The following RBFOX1 variants were observed in gnomAD, a reference collection of about 807,000 sequenced individuals.
RBFOX1 encodes the protein RNA binding fox-1 homolog 1.
RBFOX1 carries 8 observed loss-of-function variants against 57.7 expected under a neutral mutation model. That is an observed-to-expected ratio of 0.14 (90% CI 0.08 to 0.25). RBFOX1 has a LOEUF of 0.25. Among genes scored for constraint, RBFOX1 ranks in the 10% least tolerant of loss-of-function variants. The pLI is 1.00. For missense variants in RBFOX1, 611 were observed against 548.5 expected (o/e 1.11, Z -1.14); for synonymous variants, 326 against 222.4 (o/e 1.47, Z -4.15).
chr16:6,745,041 C>A (rs1033125177), intron 3 of RBFOX1, among the ~76,000 whole-genome samples: 1 of 151,876 alleles, frequency 6.6e-6, no homozygotes, highest in Non-Finnish European at 1.5e-5. Context: ...AAAATAAGAT[C>A]ATATTATGAA....
chr16:6,742,256 G>A (rs761125612), intron 3 of RBFOX1, among the ~76,000 whole-genome samples: 1 of 152,096 alleles, frequency 6.6e-6, no homozygotes, highest in Non-Finnish European at 1.5e-5. Context: ...CTAGCTATTA[G>A]GGAAATGCAG....
chr16:6,259,100 C>T (rs1248827225), intron 1 of RBFOX1, among the ~76,000 whole-genome samples: 1 of 152,130 alleles, frequency 6.6e-6, no homozygotes, highest in African/African-American at 2.4e-5. Flanking sequence ...GACAGGAAAT[C>T]TAGAGCTGAA....
At chr16:6,376,862 G>A (rs577396051) in intron 2 of RBFOX1, among the ~76,000 whole-genome samples, 1 of 152,136 alleles carries the variant, frequency 6.6e-6, no homozygotes, top group East Asian at 1.9e-4. Context: ...TCTAGTAGTC[G>A]TTAGGGATCT....
rs1199376014 is a variant in RBFOX1, at chr16:7,575,908, C to A, written c.271-3869C>A. Among the ~76,000 whole-genome samples the A allele has an allele frequency of 3.9e-5, 6 of 152,036 alleles. No individual in the cohort carries two copies. In the East Asian group the frequency reaches 5.8e-4, roughly 15 times the overall value. The stretch of plus-strand genomic sequence containing the variant: ...TGCTGCATTTCATCCTTCCCACTAT[C>A]CTGTGAGCTTAGTACCATTAGTGTC... On this transcript the variant is annotated intron_variant, in intron 5 of 15. Transcript: ENST00000550418.
At chr16:6,831,277 A>G (rs893649601) in intron 3 of RBFOX1, among the ~76,000 whole-genome samples, 1 of 152,204 alleles carries the variant, frequency 6.6e-6, no homozygotes, top group Non-Finnish European at 1.5e-5. Flanking sequence ...CCCAGGTCTT[A>G]TAGTCCAAGA....
At chr16:5,420,409 C>G (rs561517302) in intron 1 of RBFOX1, among the ~76,000 whole-genome samples, 194 of 152,050 alleles carry the variant, frequency 1.3e-3, no homozygotes, top group African/African-American at 4.5e-3. Context: ...CACACACACA[C>G]ACTCTCAGGT....
chr16:6,307,394 A>C lies in RBFOX1; in HGVS notation c.-126-9601A>C, dbSNP rs891613824. On this transcript the variant is annotated intron_variant, in intron 1 of 15. Transcript: ENST00000550418. ...GAGACTCATCTTAAAAATAAAAAAAACATCATCATTATAGCTATTAATATT... is the reference window on the plus strand; with the variant it reads ...GAGACTCATCTTAAAAATAAAAAAACCATCATCATTATAGCTATTAATATT... 5.9e-5 allele frequency among the ~76,000 whole-genome samples: 9 copies of C among 151,968 alleles called. 1 individual carries two copies. Among genetic ancestry groups the C allele is most frequent in the Non-Finnish European group, 1.0e-4 (7 of 67,986 alleles).
At chr16:7,275,125 A>G (rs1364241720) in intron 4 of RBFOX1, among the ~76,000 whole-genome samples, 1 of 152,130 alleles carries the variant, frequency 6.6e-6, no homozygotes, top group Non-Finnish European at 1.5e-5. Flanking sequence ...GCTTTTGCTT[A>G]TATCTGAGAG....
chr16:5,470,393 T>C (rs2069094911), intron 2 of RBFOX1, among the ~76,000 whole-genome samples: 1 of 152,204 alleles, frequency 6.6e-6, no homozygotes, highest in Non-Finnish European at 1.5e-5. Flanking sequence ...CCTCTAAACG[T>C]TGGGAAGTCT....
intron 4 of RBFOX1, among the ~76,000 whole-genome samples, chr16:7,129,689 C>G (rs2069665541): frequency 6.6e-6 from 1 of 151,868 alleles, no homozygotes; most frequent in Non-Finnish European, 1.5e-5. Flanking sequence ...GCAGAAATAG[C>G]AAATTTCAAG....
intron 3 of RBFOX1, among the ~76,000 whole-genome samples, chr16:5,680,334 C>T (rs564569363): frequency 4.5e-4 from 69 of 152,264 alleles, no homozygotes; most frequent in African/African-American, 1.3e-3. Context: ...CTTCACTTTG[C>T]GGCCAAGTCC....
At chr16:5,393,086 G>A (rs770301844) in intron 1 of RBFOX1, among the ~76,000 whole-genome samples, 6 of 151,994 alleles carry the variant, frequency 3.9e-5, no homozygotes, top group Non-Finnish European at 7.4e-5. Context: ...GCGAGGGTGG[G>A]GCTGTGGCTC....
At chr16:6,990,402 G>C (rs564014851) in intron 3 of RBFOX1, among the ~76,000 whole-genome samples, 12 of 152,168 alleles carry the variant, frequency 7.9e-5, no homozygotes, top group African/African-American at 2.4e-4. Context: ...GCGCATGCCT[G>C]TAATCCCAGC....
chr16:6,723,061 G>T (rs1192864341), intron 3 of RBFOX1, among the ~76,000 whole-genome samples: 1 of 152,228 alleles, frequency 6.6e-6, no homozygotes, highest in African/African-American at 2.4e-5. Flanking sequence ...GCTTTGGGGA[G>T]GGGATGGGCA....
intron 3 of RBFOX1, among the ~76,000 whole-genome samples, chr16:6,823,861 G>C (rs1328856578): frequency 1.3e-5 from 2 of 152,154 alleles, no homozygotes; most frequent in East Asian, 3.9e-4. Context: ...TGTGCTGTGG[G>C]CTGGGGTTGA....
intron 12 of RBFOX1, among the ~76,000 whole-genome samples, chr16:7,660,496 G>C (rs1278845544): frequency 1.3e-5 from 2 of 152,152 alleles, no homozygotes; most frequent in Non-Finnish European, 2.9e-5. Flanking sequence ...TGTTTGATGA[G>C]GCTTTACAAA....
chr16:5,252,170 C>A (rs1034515352), intron 1 of RBFOX1, among the ~76,000 whole-genome samples: 4 of 152,196 alleles, frequency 2.6e-5, no homozygotes, highest in Admixed American at 2.6e-4. Flanking sequence ...GGTGGGGACC[C>A]TCATCACAGC....
chr16:6,940,061 A>C (rs186396518), intron 3 of RBFOX1, among the ~76,000 whole-genome samples: 200 of 152,272 alleles, frequency 1.3e-3, no homozygotes, highest in Non-Finnish European at 2.2e-3. Flanking sequence ...CTGAAAATAC[A>C]AAAAATAGTA....
In RBFOX1 at chr16:7,199,382, T is replaced by C. The variant is rs527656296; in HGVS notation, c.27+147284T>C. 2.0e-5 allele frequency among the ~76,000 whole-genome samples: 3 copies of C among 152,236 alleles called. No individual in the cohort carries two copies. The East Asian group carries it at 5.8e-4, about 29-fold the overall frequency. ...CGAATGGTAATCATTTAAAAAGTAGTAGGTGAGAAATGTTTTCCAAATAGG... is the reference window on the plus strand; with the variant it reads ...CGAATGGTAATCATTTAAAAAGTAGCAGGTGAGAAATGTTTTCCAAATAGG... On this transcript the variant is annotated intron_variant, in intron 4 of 15. Transcript: ENST00000550418.
Sources: allele counts gnomAD v4.1 joint callset (sites outside exome capture counted in the v4.1 genomes callset), GRCh38; gene constraint gnomAD v4.1.1; transcripts MANE v1.5; gene names NCBI Gene and HGNC (gene_info 2026-07-23, HGNC 2026-07-21).